Variants in SIPA1L1 observed in about 807,000 individuals in gnomAD.
The protein encoded by SIPA1L1 is signal-induced proliferation-associated 1-like protein 1.
SIPA1L1 carries 26 observed loss-of-function variants against 162.7 expected under a neutral mutation model. That is an observed-to-expected ratio of 0.16 (90% CI 0.12 to 0.22). The LOEUF (loss-of-function observed/expected upper bound fraction) is 0.22, where lower values mean the gene tolerates loss of function less well. SIPA1L1 is among the 10% of genes least tolerant of loss of function. The pLI is 1.00. For synonymous variants in SIPA1L1, 829 were observed against 837.4 expected, an observed-to-expected ratio of 0.99 and a Z score of 0.17; for missense variants, 1,874 against 2,241.0, an observed-to-expected ratio of 0.84 and a Z score of 3.31.
At chr14:71,561,774 A>G (rs984412327) in intron 4 of SIPA1L1, among the ~76,000 whole-genome samples, 3 of 152,136 alleles carry the variant, frequency 2.0e-5, no homozygotes, top group African/African-American at 7.2e-5. Context: ...TTTAGTAGAG[A>G]CGGAGTTTCA....
At chr14:71,375,601 AG>A in intron 2 of SIPA1L1, among the ~76,000 whole-genome samples, 1 of 152,220 alleles carries the variant, frequency 6.6e-6, no homozygotes, top group Non-Finnish European at 1.5e-5. Flanking sequence ...GCTTTATTCC[AG>A]TATAGTGTTG....
chr14:71,588,281 A>G lies in SIPA1L1; in HGVS notation c.409A>G (p.Asn137Asp). Residue 137 changes from asparagine (N) to aspartate (D), a missense_variant, in exon 5 of 24, where the codon AAC becomes GAC. Coordinates refer to ENST00000381232, the MANE Select transcript of SIPA1L1 (RefSeq NM_001386936.1). This position sits in a 1 kb window ranked among gnomAD's most constrained non-coding sequence, Gnocchi z 4.3. ...NDSAMLKSIQ[N>D]TLKNKTRPSE... ...CTCAGCCATGCTGAAAAGCATACAG[A>G]ACACGCTGAAAAACAAGACAAGACC... is the stretch of plus-strand genomic sequence containing the variant. The G allele has an allele frequency of 1.9e-6, 3 of 1,614,088 alleles. No homozygotes were observed. The highest frequency in any genetic ancestry group is 2.5e-6 in the Non-Finnish European group (3 of 1,180,004).
At chr14:71,720,530 A>G (rs2083626663) in intron 17 of SIPA1L1, among the ~76,000 whole-genome samples, 1 of 152,116 alleles carries the variant, frequency 6.6e-6, no homozygotes, top group Admixed American at 6.5e-5. Flanking sequence ...AGATAGTGCC[A>G]CTGCACTCCA....
rs778521663 is a variant in SIPA1L1, at chr14:71,661,336, T to C, written c.2124T>C (p.Asn708=). 27 of 1,613,686 alleles carry C rather than the reference T, an allele frequency of 1.7e-5. No homozygotes were observed. Among genetic ancestry groups the C allele is most frequent in the Admixed American group, 1.2e-4 (7 of 59,926 alleles). The change falls in exon 10 of 24, where the codon AAT becomes AAC. Residue 708 remains asparagine (N), a synonymous_variant. Coordinates refer to ENST00000381232, the MANE Select transcript of SIPA1L1 (RefSeq NM_001386936.1). ...QQLLRKRHIG[N]DIVTIVFQEP... is the part of the protein sequence containing the mutation. ...TCCTGAGGAAGCGGCACATTGGAAA[T>C]GATATCGTAACAATTGTTTTCCAAG... is the stretch of plus-strand genomic sequence containing the variant.
At chr14:71,485,537 C>T (rs34320622) in intron 2 of SIPA1L1, among the ~76,000 whole-genome samples, 24,700 of 150,432 alleles carry the variant, frequency 0.16, 2,629 homozygotes, top group Middle Eastern at 0.35. Context: ...ATCTAATGCC[C>T]GATGATCTGT....
chr14:71,649,169 A>G (rs1307796135), intron 7 of SIPA1L1, among the ~76,000 whole-genome samples: 2 of 151,000 alleles, frequency 1.3e-5, no homozygotes, highest in Admixed American at 6.6e-5. Context: ...TCCCAATGTC[A>G]TTGGAGAATT....
rs567470857 is a variant in SIPA1L1 at position 71,366,291 on chromosome 14, C to T, written c.-465+45110C>T. Among the ~76,000 whole-genome samples the T allele has an allele frequency of 2.0e-5, 3 of 152,240 alleles. No homozygotes were observed. In the South Asian group the frequency reaches 6.2e-4, roughly 32 times the overall value. On this transcript the variant is annotated intron_variant, in intron 2 of 23. Transcript: ENST00000381232. ...TCCTATTCTACTGCCTTTTCCTCTG[C>T]ACTTTGAACTTTCACAGGAACCAGA...
intron 2 of SIPA1L1, among the ~76,000 whole-genome samples, chr14:71,328,721 T>G (rs772457068): frequency 6.6e-6 from 1 of 152,178 alleles, no homozygotes; most frequent in Non-Finnish European, 1.5e-5. Flanking sequence ...ACTCCTGCAG[T>G]GGAGATGGGA....
At chr14:71,547,032 C>G (rs930175570) in intron 4 of SIPA1L1, among the ~76,000 whole-genome samples, 1 of 151,980 alleles carries the variant, frequency 6.6e-6, no homozygotes, top group Non-Finnish European at 1.5e-5. Context: ...GCGTAGTTGT[C>G]AGAACTATAT....
Position 71,723,714 on chromosome 14 carries a change from G to C in SIPA1L1, c.4276G>C (p.Glu1426Gln). ...CAGTGCCCGGAGTTCACCTAAAGAA[G>C]AGCTTCATCCAGCTGCCCCCTCACA... Reference protein sequence around the residue: ...FTSARSSPKEELHPAAPSQLA... With the variant: ...FTSARSSPKEQLHPAAPSQLA... Residue 1426 changes from glutamate to glutamine, a missense_variant, in exon 18 of 24, where the codon GAG becomes CAG. Around this residue, in one of 5 missense-constraint regions of SIPA1L1, gnomAD observed 936 missense variants for 1,051.9 expected, o/e 0.89. Transcript: ENST00000381232. 6.2e-7 allele frequency: 1 copy of C among 1,614,196 alleles called. No homozygotes were observed. Among genetic ancestry groups the C allele is most frequent in the South Asian group, 1.1e-5 (1 of 91,088 alleles).
intron 7 of SIPA1L1, among the ~76,000 whole-genome samples, chr14:71,640,215 A>G (rs1310536745): frequency 6.6e-6 from 1 of 152,114 alleles, no homozygotes; most frequent in African/African-American, 2.4e-5. Context: ...CTAAACCTTG[A>G]CTTTTAAGCA....
intron 2 of SIPA1L1, among the ~76,000 whole-genome samples, chr14:71,384,450 A>G (rs1452896216): frequency 6.6e-6 from 1 of 152,178 alleles, no homozygotes; most frequent in East Asian, 1.9e-4. Context: ...TGAGTGGTGC[A>G]CGGGAATGGG....
intron 2 of SIPA1L1, among the ~76,000 whole-genome samples, chr14:71,431,733 C>T (rs2044006419): frequency 6.6e-6 from 1 of 151,874 alleles, no homozygotes; most frequent in South Asian, 2.1e-4. Context: ...CACATGAAAG[C>T]CAAGTTGGAC....
chr14:71,662,643 T>C (rs2043631615), intron 10 of SIPA1L1, among the ~76,000 whole-genome samples: 1 of 152,160 alleles, frequency 6.6e-6, no homozygotes, highest in African/African-American at 2.4e-5. Context: ...AGCTGGGTTT[T>C]TCACTCCGAG....
At chr14:71,527,439 T>C (rs1334782406) in intron 3 of SIPA1L1, among the ~76,000 whole-genome samples, 2 of 151,842 alleles carry the variant, frequency 1.3e-5, no homozygotes, top group East Asian at 3.9e-4. Context: ...ACTCCTGGGC[T>C]CAAGCAATCC....
chr14:71,539,967 G>A (rs1394988261), intron 4 of SIPA1L1, among the ~76,000 whole-genome samples: 2 of 152,214 alleles, frequency 1.3e-5, no homozygotes, highest in Non-Finnish European at 2.9e-5. Context: ...CTGAGCAGGC[G>A]CCTCATCCAG....
chr14:71,475,603 A>G (rs111323087), intron 2 of SIPA1L1, among the ~76,000 whole-genome samples: 13 of 152,242 alleles, frequency 8.5e-5, no homozygotes, highest in African/African-American at 3.1e-4. Context: ...CATTTGAAAA[A>G]TAGAGAAAAT....
chr14:71,659,356 G>C (rs117601706), intron 9 of SIPA1L1, among the ~76,000 whole-genome samples: 210 of 152,234 alleles, frequency 1.4e-3, no homozygotes, highest in Non-Finnish European at 2.5e-3. Context: ...CACTTTATCA[G>C]TTTACATTTG....
At chr14:71,350,704 A>G (rs2036616161) in intron 2 of SIPA1L1, among the ~76,000 whole-genome samples, 1 of 152,216 alleles carries the variant, frequency 6.6e-6, no homozygotes, top group Non-Finnish European at 1.5e-5. Flanking sequence ...AGTCCCCCAG[A>G]GGGACTTAGG....
Sources: allele counts gnomAD v4.1 joint callset (sites outside exome capture counted in the v4.1 genomes callset), GRCh38; gene constraint gnomAD v4.1.1; regional missense constraint gnomAD v4.1.1; non-coding constraint Gnocchi (gnomAD v3.1); transcripts MANE v1.5; gene names NCBI Gene and HGNC (gene_info 2026-07-23, HGNC 2026-07-21).